FBXO36: variants seen among roughly 807,000 people sequenced by gnomAD.
The protein encoded by FBXO36 is F-box protein 36.
A neutral mutation model predicts 17.0 loss-of-function variants in FBXO36; 18 were observed. That is an observed-to-expected ratio of 1.06 (90% confidence interval 0.73 to 1.57). The LOEUF (loss-of-function observed/expected upper bound fraction) is 1.57. Ranked by LOEUF, FBXO36 falls within the 40% of genes most tolerant of loss-of-function variation. The probability of loss-of-function intolerance (pLI) is 0.00; values close to 1 mark genes in which losing one functional copy is unlikely to be tolerated. For synonymous variants in FBXO36, 83 were observed against 85.3 expected, an observed-to-expected ratio of 0.97 and a Z score of 0.15; for missense variants, 229 against 221.9, an observed-to-expected ratio of 1.03 and a Z score of -0.20.
intron 1 of FBXO36, among the ~76,000 whole-genome samples, chr2:229,966,079 T>C (rs1424396312): frequency 6.6e-6 from 1 of 152,216 alleles, no homozygotes; most frequent in Non-Finnish European, 1.5e-5. Context: ...TTCTAACTGG[T>C]ATGAGATGGT....
intron 3 of FBXO36, among the ~76,000 whole-genome samples, chr2:230,002,169 A>G (rs1226436700): frequency 6.6e-6 from 1 of 151,922 alleles, no homozygotes; most frequent in Non-Finnish European, 1.5e-5. Context: ...TTAATTACCC[A>G]GCTTCCCCCA....
At chr2:229,995,727 G>T (rs1577360699) in intron 2 of FBXO36, among the ~76,000 whole-genome samples, 1 of 150,864 alleles carries the variant, frequency 6.6e-6, no homozygotes, top group African/African-American at 2.4e-5. Flanking sequence ...CGAGTAGCTG[G>T]GATTACAGGC....
intron 2 of FBXO36, among the ~76,000 whole-genome samples, chr2:229,988,772 G>A (rs1378333946): frequency 3.3e-5 from 5 of 150,738 alleles, no homozygotes; most frequent in African/African-American, 1.2e-4. Context: ...CTGACCTCAG[G>A]TGACCTCAGC....
intron 1 of FBXO36, among the ~76,000 whole-genome samples, chr2:229,940,642 T>C (rs2106162063): frequency 6.6e-6 from 1 of 152,308 alleles, no homozygotes; most frequent in African/African-American, 2.4e-5. Flanking sequence ...CCAATACTAC[T>C]GGTGTCCTTA....
chr2:229,962,205 CT>C (rs1293618317), intron 1 of FBXO36, among the ~76,000 whole-genome samples: 1 of 151,868 alleles, frequency 6.6e-6, no homozygotes, highest in African/African-American at 2.4e-5. Flanking sequence ...TTTTATACTC[CT>C]TATGTTATTT....
At position 229,948,141 on chromosome 2, in the gene FBXO36, A is replaced by C. The variant is rs1054109944; in HGVS notation, c.96+25532A>C. On this transcript the variant is annotated intron_variant, in intron 1 of 3. Coordinates refer to ENST00000283946, the MANE Select transcript of FBXO36 (RefSeq NM_174899.5). The stretch of plus-strand genomic sequence containing the variant: ...AACAAGACCCTTTCTCTACAAAAAA[A>C]AAAAAAATTATGTTTTTAAAAATAA... Among the ~76,000 whole-genome samples the C allele has an allele frequency of 2.6e-5, 4 of 152,314 alleles. No individual in the cohort carries two copies. In the East Asian group the frequency reaches 5.8e-4, roughly 22 times the overall value.
At chr2:230,008,024 C>T (rs1027396670) in intron 3 of FBXO36, among the ~76,000 whole-genome samples, 2 of 152,186 alleles carry the variant, frequency 1.3e-5, no homozygotes, top group Non-Finnish European at 1.5e-5. Flanking sequence ...CCACTGTGCT[C>T]ATCCTGGCCC....
At chr2:229,986,970 G>T (rs2106203011) in intron 2 of FBXO36, among the ~76,000 whole-genome samples, 1 of 151,722 alleles carries the variant, frequency 6.6e-6, no homozygotes, top group East Asian at 2.0e-4. Context: ...TGTAATCCCA[G>T]CACTTTGGGA....
chr2:229,995,104 ACT>A (rs1365197718), intron 2 of FBXO36, among the ~76,000 whole-genome samples: 1 of 151,866 alleles, frequency 6.6e-6, no homozygotes, highest in Non-Finnish European at 1.5e-5. Context: ...ACAGAGCAAG[ACT>A]CTGTCTCAAA....
intron 1 of FBXO36, among the ~76,000 whole-genome samples, chr2:229,947,117 G>A (rs988860475): frequency 1.3e-5 from 2 of 151,480 alleles, no homozygotes; most frequent in African/African-American, 4.9e-5. Flanking sequence ...GCAGTGAGCC[G>A]AGATCACACC....
chr2:229,935,914 G>GA lies in FBXO36; in HGVS notation c.96+13305_96+13306insA, dbSNP rs2076961326. On this transcript the variant is annotated intron_variant, in intron 1 of 3. Transcript: ENST00000283946. Reference sequence around the variant, plus strand: ...AGAGATACTGATCAGAAGGCCAGGTGCGGTGGCTCACCCCTGTAATCCCAG... The same window carrying GA: ...AGAGATACTGATCAGAAGGCCAGGTGACGGTGGCTCACCCCTGTAATCCCAG... Among the ~76,000 whole-genome samples, 2 of 152,174 alleles carry GA rather than the reference G, an allele frequency of 1.3e-5. 1 individual carries two copies. The highest frequency in any genetic ancestry group is 2.9e-5 in the Non-Finnish European group (2 of 68,022).
intron 2 of FBXO36, among the ~76,000 whole-genome samples, chr2:229,993,953 T>C (rs532671886): frequency 2.6e-5 from 4 of 152,022 alleles, no homozygotes; most frequent in Admixed American, 2.0e-4. Flanking sequence ...TTTGTATTTT[T>C]AGTAGGGACA....
intron 1 of FBXO36, among the ~76,000 whole-genome samples, chr2:229,953,756 C>A (rs6720455): frequency 0.037 from 5,550 of 151,994 alleles, 341 homozygotes; most frequent in African/African-American, 0.13. Flanking sequence ...AAATTTATTT[C>A]TTGCACATCT....
chr2:230,005,086 A>ATTAT (rs369839270), intron 3 of FBXO36, among the ~76,000 whole-genome samples: 298 of 152,054 alleles, frequency 2.0e-3, no homozygotes, highest in Middle Eastern at 0.017. Flanking sequence ...GCATGGACAG[A>ATTAT]TTATTTATTT....
At chr2:230,009,994 G>C (rs2077406980) in intron 3 of FBXO36, among the ~76,000 whole-genome samples, 2 of 151,870 alleles carry the variant, frequency 1.3e-5, no homozygotes, top group South Asian at 2.1e-4. Context: ...GGGCACAGTG[G>C]CTCACGCCTG....
intron 1 of FBXO36, among the ~76,000 whole-genome samples, chr2:229,947,562 TAGA>T (rs996860053): frequency 6.6e-6 from 1 of 152,226 alleles, no homozygotes; most frequent in African/African-American, 2.4e-5. Flanking sequence ...GGCTGCTGTG[TAGA>T]AGATTGCTTG....
chr2:229,965,546 C>T lies in FBXO36; in HGVS notation c.97-10695C>T, dbSNP rs1404461328. 6.1e-5 allele frequency among the ~76,000 whole-genome samples: 9 copies of T among 146,608 alleles called. No homozygotes were observed. The Admixed American group carries it at 6.2e-4, about 10-fold the overall frequency. On this transcript the variant is annotated intron_variant, in intron 1 of 3. Coordinates refer to ENST00000283946, the MANE Select transcript of FBXO36 (RefSeq NM_174899.5). Reference sequence around the variant, plus strand: ...CCCCTCCCCCAACCCCACAACAGGCCCCAGTGTGTGATGTTCCCCTTCCTG... The same window carrying T: ...CCCCTCCCCCAACCCCACAACAGGCTCCAGTGTGTGATGTTCCCCTTCCTG...
chr2:230,008,492 G>T (rs1032484937), intron 3 of FBXO36, among the ~76,000 whole-genome samples: 23 of 152,064 alleles, frequency 1.5e-4, no homozygotes, highest in African/African-American at 5.3e-4. Context: ...GGGGTATTTT[G>T]TACACGAACT....
At chr2:230,002,373 C>G (rs1978591) in intron 3 of FBXO36, among the ~76,000 whole-genome samples, 2,277 of 151,420 alleles carry the variant, frequency 0.015, 63 homozygotes, top group African/African-American at 0.052. Context: ...TTTTCCCCCC[C>G]GTACGTTAAT....
Sources: gnomAD v4.1 joint callset for allele counts (sites outside exome capture counted in the v4.1 genomes callset) on GRCh38, gnomAD v4.1.1 for gene constraint, MANE v1.5 for transcripts, NCBI Gene and HGNC (gene_info 2026-07-23, HGNC 2026-07-21) for gene names.